Variants in PRTG observed in about 807,000 individuals in gnomAD.
The protein encoded by PRTG is immunoglobulin superfamily, DCC subclass, member 5.
In PRTG, 67 loss-of-function variants were observed where a neutral mutation model predicts 122.5. The ratio of observed to expected loss-of-function variants is 0.55; its 90% CI spans 0.45 to 0.67. The LOEUF is 0.67. PRTG is among the 30% of genes least tolerant of loss of function. The probability of loss-of-function intolerance (pLI) is 0.00; values close to 1 mark genes in which losing one functional copy is unlikely to be tolerated. For missense variants in PRTG, 1,435 were observed against 1,415.4 expected, an observed-to-expected ratio of 1.01 and a Z score of -0.22; for synonymous variants, 554 against 501.1, an observed-to-expected ratio of 1.11 and a Z score of -1.41.
At chr15:55,669,098 C>CA (rs1303355810) in intron 11 of PRTG, among the ~76,000 whole-genome samples, 1 of 151,210 alleles carries the variant, frequency 6.6e-6, no homozygotes, top group Non-Finnish European at 1.5e-5. Flanking sequence ...AAACAAAGAA[C>CA]TGTGTGTATT....
intron 11 of PRTG, among the ~76,000 whole-genome samples, chr15:55,672,135 G>A (rs931115541): frequency 6.6e-6 from 1 of 151,952 alleles, no homozygotes; most frequent in Admixed American, 6.6e-5. Flanking sequence ...TTCTACATCC[G>A]CCACACACTC....
chr15:55,634,050 A>AAGAG lies in PRTG; in HGVS notation c.2623+3119_2623+3120insCTCT, dbSNP rs1408663074. On this transcript the variant is annotated intron_variant, in intron 15 of 19. Coordinates refer to ENST00000389286, the MANE Select transcript of PRTG (RefSeq NM_173814.6). ...GAATACATTTAAAAGGAGCCAGAAC[A>AAGAG]AAATATACATTGCTTTTTTTTTTTT... 2.0e-5 allele frequency among the ~76,000 whole-genome samples: 3 copies of AAGAG among 149,784 alleles called. No individual in the cohort carries two copies. The East Asian group carries it at 5.9e-4, about 30-fold the overall frequency.
intron 11 of PRTG, among the ~76,000 whole-genome samples, chr15:55,668,310 TAAAG>T (rs1330227046): frequency 6.6e-6 from 1 of 152,240 alleles, no homozygotes; most frequent in East Asian, 1.9e-4. Flanking sequence ...TCCTTTCAAA[TAAAG>T]ACTTAATAAT....
rs2030199841 is a variant in PRTG at position 55,707,924 on chromosome 15, G to C, written c.398-23993C>G. 2.0e-5 allele frequency among the ~76,000 whole-genome samples: 3 copies of C among 152,126 alleles called. No individual in the cohort carries two copies. The South Asian group carries it at 6.2e-4, about 32-fold the overall frequency. On this transcript the variant is annotated intron_variant, in intron 2 of 19. Coordinates refer to ENST00000389286, the MANE Select transcript of PRTG (RefSeq NM_173814.6). ...TGCAAATTTTCCACATGGCTTAATA[G>C]AGACCCTGAGTTTCTTTCAAGGAAA...
At position 55,637,348 on chromosome 15, in the gene PRTG, GA is replaced by G; in HGVS notation, c.2453-9del. 1 of 1,604,858 alleles carries G rather than the reference GA, an allele frequency of 6.2e-7. No individual in the cohort carries two copies. The highest frequency in any genetic ancestry group is 8.5e-7 in the Non-Finnish European group (1 of 1,176,098). ...CTGGTGGGCCTGCTGGTGCTGTGCA[GA>G]CACAACAAAACATTGTATTAATATA... On this transcript the variant is annotated splice_polypyrimidine_tract_variant and intron_variant, in intron 14 of 19. Coordinates refer to ENST00000389286, the MANE Select transcript of PRTG (RefSeq NM_173814.6).
chr15:55,702,871 C>G (rs544502730), intron 2 of PRTG: 1 of 983,256 alleles, frequency 1.0e-6, no homozygotes, highest in South Asian at 4.7e-5. Flanking sequence ...GTGGCACACA[C>G]AGGATTGCAA....
intron 11 of PRTG, among the ~76,000 whole-genome samples, chr15:55,642,898 G>A (rs938605165): frequency 8.6e-5 from 13 of 151,842 alleles, no homozygotes; most frequent in African/African-American, 2.9e-4. Flanking sequence ...TAGCAAGATC[G>A]CATCTCTATA....
chr15:55,679,493 T>A lies in PRTG; in HGVS notation c.974-48A>T, dbSNP rs367718496. 28 of 1,451,908 alleles carry A rather than the reference T, an allele frequency of 1.9e-5. No homozygotes were observed. In the Admixed American group the frequency reaches 4.0e-4, roughly 21 times the overall value. 89.9% of individuals were successfully genotyped at this position (1,451,908 alleles called of 1,614,324 possible). On this transcript the variant is annotated intron_variant, in intron 6 of 19. Transcript: ENST00000389286. Reference sequence around the variant, plus strand: ...AATATTTCTGTGATCCTAATAGGAATGATGTAAAGGGTCAAGGAAGAAAAC... The same window carrying A: ...AATATTTCTGTGATCCTAATAGGAAAGATGTAAAGGGTCAAGGAAGAAAAC...
intron 2 of PRTG, among the ~76,000 whole-genome samples, chr15:55,725,221 T>C (rs748830156): frequency 6.6e-6 from 1 of 152,068 alleles, no homozygotes; most frequent in African/African-American, 2.4e-5. Context: ...TCAAACTAGA[T>C]TGTTACAAAT....
intron 2 of PRTG, among the ~76,000 whole-genome samples, chr15:55,696,022 C>T (rs183558020): frequency 1.3e-5 from 2 of 152,066 alleles, no homozygotes. Context: ...CACCTGTAAT[C>T]CCTATGCTTT....
intron 9 of PRTG, among the ~76,000 whole-genome samples, chr15:55,675,278 A>G (rs1380069886): frequency 6.6e-6 from 1 of 152,146 alleles, no homozygotes; most frequent in African/African-American, 2.4e-5. Flanking sequence ...AATTTAAACT[A>G]GTAACCTTTG....
chr15:55,721,898 C>G (rs1249011211), intron 2 of PRTG, among the ~76,000 whole-genome samples: 1 of 152,130 alleles, frequency 6.6e-6, no homozygotes, highest in Non-Finnish European at 1.5e-5. Flanking sequence ...GGGGAAACCA[C>G]CCCCATGATT....
At chr15:55,718,104 C>T (rs1295518370) in intron 2 of PRTG, among the ~76,000 whole-genome samples, 1 of 152,102 alleles carries the variant, frequency 6.6e-6, no homozygotes, top group African/African-American at 2.4e-5. Context: ...TCCAACCTCT[C>T]TCACTATCCC....
chr15:55,614,245 C>T lies in PRTG; in HGVS notation c.*5767G>A, dbSNP rs2059132749. The stretch of plus-strand genomic sequence containing the variant: ...GAACCAGGAAAAGGCCGATTGGAAC[C>T]AAAAAAGAATGACAAGAAAGATCAA... On this transcript the variant is annotated 3_prime_UTR_variant, in exon 20 of 20. Transcript: ENST00000389286. 6.6e-6 allele frequency: 1 copy of T among 151,628 alleles called. No individual in the cohort carries two copies. Among genetic ancestry groups the T allele is most frequent in the South Asian group, 2.1e-4 (1 of 4,814 alleles). 9.4% of individuals were successfully genotyped at this position (151,628 alleles called of 1,614,324 possible).
At chr15:55,621,248 A>G (rs2059164553) in intron 18 of PRTG, among the ~76,000 whole-genome samples, 1 of 152,152 alleles carries the variant, frequency 6.6e-6, no homozygotes, top group South Asian at 2.1e-4. Context: ...GCTCCTCAGG[A>G]GGCTGAGGCA....
intron 2 of PRTG, among the ~76,000 whole-genome samples, chr15:55,725,465 ATGTG>A (rs1267514477): frequency 1.3e-5 from 2 of 152,008 alleles, no homozygotes; most frequent in Non-Finnish European, 2.9e-5. Flanking sequence ...GCATGGTAGC[ATGTG>A]CCTGCAGCCC....
At chr15:55,674,971 A>G (rs1041752580) in intron 9 of PRTG, among the ~76,000 whole-genome samples, 2 of 152,148 alleles carry the variant, frequency 1.3e-5, no homozygotes, top group Non-Finnish European at 2.9e-5. Context: ...TATAAGAATA[A>G]TATGAATATC....
chr15:55,629,829 T>C (rs2059217275), intron 15 of PRTG, among the ~76,000 whole-genome samples: 1 of 151,170 alleles, frequency 6.6e-6, no homozygotes, highest in African/African-American at 2.4e-5. Flanking sequence ...ATTTTTTTTT[T>C]TTTTTTTGAG....
chr15:55,635,104 T>TGTGTGTG (rs773250114), intron 15 of PRTG, among the ~76,000 whole-genome samples: 6 of 112,722 alleles, frequency 5.3e-5, no homozygotes, highest in Non-Finnish European at 1.1e-4. Flanking sequence ...TGTGTGTGTG[T>TGTGTGTG]TTTTTGAGAC....
Sources: allele counts gnomAD v4.1 joint callset (sites outside exome capture counted in the v4.1 genomes callset), GRCh38; gene constraint gnomAD v4.1.1; transcripts MANE v1.5; gene names NCBI Gene and HGNC (gene_info 2026-07-23, HGNC 2026-07-21).